Variants in MAN1A1 observed in about 807,000 individuals in gnomAD.
MAN1A1 encodes mannosidase alpha class 1A member 1.
Under a neutral mutation model 70.8 loss-of-function variants are expected in MAN1A1, and 29 were observed. The observed-to-expected ratio is 0.41, with a 90% CI of 0.31 to 0.56. The LOEUF is 0.56. Ranked by LOEUF, MAN1A1 falls within the 20% of genes least tolerant of loss-of-function variation. The pLI is 0.29. For synonymous variants in MAN1A1, 349 were observed against 330.1 expected, an observed-to-expected ratio of 1.06 and a Z score of -0.62; for missense variants, 747 against 841.3, an observed-to-expected ratio of 0.89 and a Z score of 1.39.
chr6:119,193,681 C>A, intron 9 of MAN1A1, 96 bp downstream of exon 9: 2 of 670,170 alleles, frequency 3.0e-6, no homozygotes, highest in South Asian at 2.2e-5. Context: ...CTTTGTAACT[C>A]ACTCATGTAG....
intron 6 of MAN1A1, among the ~76,000 whole-genome samples, chr6:119,239,951 A>G (rs1056137937): frequency 6.6e-6 from 1 of 152,238 alleles, no homozygotes; most frequent in African/African-American, 2.4e-5. Context: ...TCTGTAAAAC[A>G]CTAGTTCTGT....
intron 2 of MAN1A1, among the ~76,000 whole-genome samples, chr6:119,334,330 G>T (rs1773398008): frequency 6.6e-6 from 1 of 152,120 alleles, no homozygotes; most frequent in Admixed American, 6.6e-5. Flanking sequence ...TTATTAGTTG[G>T]TTTTTATTAA....
intron 6 of MAN1A1, among the ~76,000 whole-genome samples, chr6:119,220,786 T>A (rs1368350951): frequency 6.6e-6 from 1 of 152,194 alleles, no homozygotes; most frequent in Non-Finnish European, 1.5e-5. Context: ...AATACTTCTA[T>A]ATAGGTTAGC....
At chr6:119,252,164 G>C (rs1340212365) in intron 5 of MAN1A1, among the ~76,000 whole-genome samples, 1 of 152,182 alleles carries the variant, frequency 6.6e-6, no homozygotes, top group African/African-American at 2.4e-5. Flanking sequence ...ATAAATAAAT[G>C]AATCAATTTA....
chr6:119,333,993 A>G (rs995456039), intron 2 of MAN1A1, among the ~76,000 whole-genome samples: 2 of 152,172 alleles, frequency 1.3e-5, no homozygotes, highest in African/African-American at 4.8e-5. Flanking sequence ...AAGCAGATGG[A>G]AAGCATCACC....
At chr6:119,247,405 GATA>G (rs1775195503) in intron 6 of MAN1A1, among the ~76,000 whole-genome samples, 1 of 152,104 alleles carries the variant, frequency 6.6e-6, no homozygotes, top group Non-Finnish European at 1.5e-5. Flanking sequence ...TTGTTGTGAG[GATA>G]ATATGTGGTA....
chr6:119,256,079 G>T (rs1370123725), intron 5 of MAN1A1, among the ~76,000 whole-genome samples: 1 of 151,186 alleles, frequency 6.6e-6, no homozygotes, highest in African/African-American at 2.4e-5. Flanking sequence ...TTCCCAACTT[G>T]TTTTTTTTCA....
intron 4 of MAN1A1, among the ~76,000 whole-genome samples, chr6:119,298,294 C>T (rs1380627084): frequency 6.6e-6 from 1 of 152,136 alleles, no homozygotes; most frequent in East Asian, 1.9e-4. Context: ...CATATTATCC[C>T]AACTTATTTT....
chr6:119,262,653 T>C (rs996715949), intron 5 of MAN1A1, among the ~76,000 whole-genome samples: 2 of 152,160 alleles, frequency 1.3e-5, no homozygotes, highest in African/African-American at 4.8e-5. Context: ...GGAATATAAA[T>C]TGTTCTACCA....
At chr6:119,184,830 A>C (rs1442638906) in intron 11 of MAN1A1, among the ~76,000 whole-genome samples, 1 of 152,192 alleles carries the variant, frequency 6.6e-6, no homozygotes, top group Non-Finnish European at 1.5e-5. Flanking sequence ...TATTCTGATA[A>C]AGCTCATGCT....
chr6:119,264,834 A>G (rs1194859321), intron 5 of MAN1A1, among the ~76,000 whole-genome samples: 2 of 152,208 alleles, frequency 1.3e-5, no homozygotes, highest in African/African-American at 4.8e-5. Flanking sequence ...TTATATGTAA[A>G]GTAGCTATTT....
intron 2 of MAN1A1, among the ~76,000 whole-genome samples, chr6:119,325,918 CT>C (rs1004378293): frequency 5.9e-5 from 9 of 152,166 alleles, no homozygotes; most frequent in African/African-American, 2.2e-4. Context: ...ATCAACCTAG[CT>C]TCTTTTGATT....
intron 4 of MAN1A1, among the ~76,000 whole-genome samples, chr6:119,293,444 T>C (rs1205265298): frequency 6.6e-6 from 1 of 152,136 alleles, no homozygotes; most frequent in Non-Finnish European, 1.5e-5. Context: ...TGAGCCTGTT[T>C]AAGAAGCAAA....
intron 8 of MAN1A1, among the ~76,000 whole-genome samples, chr6:119,200,140 TTAAG>T (rs1773677890): frequency 6.6e-6 from 1 of 152,078 alleles, no homozygotes; most frequent in South Asian, 2.1e-4. Context: ...TTCACAAAAT[TTAAG>T]TAAGTAAACA....
intron 6 of MAN1A1, among the ~76,000 whole-genome samples, chr6:119,211,526 C>T (rs967064592): frequency 8.5e-5 from 13 of 152,274 alleles, no homozygotes; most frequent in South Asian, 4.1e-4. Flanking sequence ...TCATTGGCTC[C>T]CACCCTAAAC....
At chr6:119,348,345 G>C (rs1334249053) in intron 2 of MAN1A1, 118 bp downstream of exon 2, 1 of 1,036,314 alleles carries the variant, frequency 9.6e-7, no homozygotes, top group African/African-American at 1.6e-5. Flanking sequence ...TGGTGGAAGG[G>C]GCAAACCTCC....
rs1442313814 is a variant in MAN1A1 at position 119,179,748 on chromosome 6, G to A, written c.*71C>T. ...ACTAATCAAAGTTCATCATGTGCCTGATTACCAGAAAAGGAATTATTAAGG... is the reference window on the plus strand; with the variant it reads ...ACTAATCAAAGTTCATCATGTGCCTAATTACCAGAAAAGGAATTATTAAGG... On this transcript the variant is annotated 3_prime_UTR_variant, in exon 13 of 13. Transcript: ENST00000368468. 14 of 1,419,132 alleles carry A rather than the reference G, an allele frequency of 9.9e-6. No homozygotes were observed. The highest frequency in any genetic ancestry group is 1.8e-5 in the Admixed American group (1 of 54,416). 87.9% of individuals were successfully genotyped at this position (1,419,132 alleles called of 1,614,324 possible).
chr6:119,329,014 T>C (rs1367639188), intron 2 of MAN1A1, among the ~76,000 whole-genome samples: 2 of 152,198 alleles, frequency 1.3e-5, no homozygotes, highest in Non-Finnish European at 2.9e-5. Context: ...AAAGCAGATG[T>C]CTGGATGCAG....
intron 5 of MAN1A1, among the ~76,000 whole-genome samples, chr6:119,265,202 G>A (rs1199969475): frequency 1.3e-5 from 2 of 151,762 alleles, no homozygotes; most frequent in African/African-American, 4.8e-5. Context: ...CTAGGCTCCA[G>A]TGATCCTCCT....
Sources: allele counts gnomAD v4.1 joint callset (sites outside exome capture counted in the v4.1 genomes callset), GRCh38; gene constraint gnomAD v4.1.1; transcripts MANE v1.5; gene names NCBI Gene and HGNC (gene_info 2026-07-23, HGNC 2026-07-21).